The following SPTSSB variants were observed in gnomAD, a reference collection of about 807,000 sequenced individuals.
SPTSSB encodes the protein androgen down regulated in mouse prostate.
A neutral mutation model predicts 7.7 loss-of-function variants in SPTSSB; 6 were observed. The observed-to-expected ratio is 0.78, with a 90% CI of 0.43 to 1.54. SPTSSB has a LOEUF of 1.54. Ranked by LOEUF, SPTSSB falls within the 40% of genes most tolerant of loss-of-function variation. The probability of loss-of-function intolerance (pLI) is 0.01; values close to 1 mark genes in which losing one functional copy is unlikely to be tolerated. For missense variants in SPTSSB, 91 were observed against 93.0 expected, an observed-to-expected ratio of 0.98 and a Z score of 0.09; for synonymous variants, 28 against 29.7, an observed-to-expected ratio of 0.94 and a Z score of 0.19.
At position 161,346,247 on chromosome 3, in the gene SPTSSB, A is replaced by G; in HGVS notation, c.77T>C (p.Leu26Ser). The stretch of plus-strand genomic sequence containing the variant: ...AAACATAGATCGCTCCCAGGGCTCT[A>G]AAACAGCACAGCAGCTAATGATTTG... ...QYQIISCCAV[L>S]EPWERSMFNT... The change falls in exon 3 of 3, where the codon TTA becomes TCA. Residue 26 changes from leucine (L) to serine (S), a missense_variant. Leu to Ser is a moderately radical substitution (Grantham distance 145). Transcript: ENST00000620149. 6.2e-7 allele frequency: 1 copy of G among 1,614,034 alleles called. No homozygotes were observed. The highest frequency in any genetic ancestry group is 8.5e-7 in the Non-Finnish European group (1 of 1,179,884).
In SPTSSB at chr3:161,371,334, G is replaced by A. The variant is rs1273620283; in HGVS notation, c.-126+101C>T. The A allele has an allele frequency of 6.7e-6, 5 of 749,894 alleles. No homozygotes were observed. The East Asian group carries it at 6.4e-4, about 97-fold the overall frequency. The allele number at this position is 749,894 out of a possible 1,614,324, so 46.5% of individuals were successfully genotyped here. On this transcript the variant is annotated intron_variant, in intron 1 of 2. Transcript: ENST00000620149. Reference sequence around the variant, plus strand: ...CAGTTAAATAATAAACTGATAAATTGCATTAAAGCTCAGTATTAATTTTTT... The same window carrying A: ...CAGTTAAATAATAAACTGATAAATTACATTAAAGCTCAGTATTAATTTTTT...
chr3:161,353,829 T>G (rs888119462), intron 2 of SPTSSB, among the ~76,000 whole-genome samples: 1 of 152,176 alleles, frequency 6.6e-6, no homozygotes, highest in Admixed American at 6.5e-5. Context: ...ATGTTTTCTG[T>G]GCCCTACAGA....
chr3:161,348,844 G>A (rs1353655968), intron 2 of SPTSSB, among the ~76,000 whole-genome samples: 2 of 152,086 alleles, frequency 1.3e-5, no homozygotes, highest in African/African-American at 4.8e-5. Flanking sequence ...AAGACAGTTT[G>A]TGTGTCATTT....
chr3:161,353,704 C>T (rs1714644964), intron 2 of SPTSSB, among the ~76,000 whole-genome samples: 1 of 152,078 alleles, frequency 6.6e-6, no homozygotes, highest in Non-Finnish European at 1.5e-5. Flanking sequence ...TTAAGTTTAT[C>T]TGATTAATGG....
At chr3:161,359,777 C>T (rs1714932041) in intron 2 of SPTSSB, 25 bp downstream of exon 2, 19 of 985,310 alleles carry the variant, frequency 1.9e-5, no homozygotes, top group South Asian at 4.7e-5. Context: ...AGCAAGTCTC[C>T]GTGATATAAT....
At chr3:161,368,008 G>C (rs1238013656) in intron 1 of SPTSSB, among the ~76,000 whole-genome samples, 1 of 152,156 alleles carries the variant, frequency 6.6e-6, no homozygotes, top group East Asian at 1.9e-4. Flanking sequence ...ATTCTTTGTA[G>C]GACTATACTA....
At chr3:161,347,408 C>T (rs1033142994) in intron 2 of SPTSSB, among the ~76,000 whole-genome samples, 37 of 152,030 alleles carry the variant, frequency 2.4e-4, no homozygotes, top group African/African-American at 8.2e-4. Flanking sequence ...CAGGCATGCA[C>T]CACCATGCCC....
At chr3:161,367,843 T>G (rs1715284105) in intron 1 of SPTSSB, among the ~76,000 whole-genome samples, 1 of 152,156 alleles carries the variant, frequency 6.6e-6, no homozygotes, top group Non-Finnish European at 1.5e-5. Context: ...TACCTTCCTC[T>G]CTCACCCAAT....
chr3:161,359,647 T>C lies in SPTSSB; in HGVS notation c.-33+155A>G, dbSNP rs1033128633. 44 of 830,488 alleles carry C rather than the reference T, an allele frequency of 5.3e-5. No individual in the cohort carries two copies. In the Admixed American group the frequency reaches 1.0e-3, roughly 19 times the overall value. The allele number at this position is 830,488 out of a possible 1,614,324, so 51.4% of individuals were successfully genotyped here. A position where few individuals can be genotyped will look rare whatever the true frequency, so the allele number is the denominator to read the frequency against. On this transcript the variant is annotated intron_variant, in intron 2 of 2. Coordinates refer to ENST00000620149, the MANE Select transcript of SPTSSB (RefSeq NM_001040100.2). ...GAGCTAATTGCCCCATTTTATTCCT[T>C]TGTATCATCTCAAATGCCAATATAA...
intron 1 of SPTSSB, among the ~76,000 whole-genome samples, chr3:161,361,150 G>T (rs550735121): frequency 1.3e-5 from 2 of 152,240 alleles, no homozygotes; most frequent in East Asian, 3.9e-4. Context: ...AGTCTTAAAA[G>T]ATCTAAAAGG....
intron 2 of SPTSSB, among the ~76,000 whole-genome samples, chr3:161,358,480 A>T (rs796723605): frequency 8.1e-4 from 123 of 152,264 alleles, no homozygotes; most frequent in African/African-American, 2.8e-3. Flanking sequence ...CTTCATTCAC[A>T]CAGATGCTGG....
intron 1 of SPTSSB, among the ~76,000 whole-genome samples, chr3:161,369,314 C>CTTTCTTTCTTTCTTTCTTTCTCTTTCTT (rs1278233391): frequency 1.5e-5 from 1 of 65,718 alleles, no homozygotes; most frequent in African/African-American, 7.7e-5. Flanking sequence ...TTCTTTCTTT[C>CTTTCTTTCTTTCTTTCTTTCTCTTTCTT]TCTTTCTTTC....
chr3:161,352,805 A>C (rs187824426), intron 2 of SPTSSB, among the ~76,000 whole-genome samples: 3 of 152,170 alleles, frequency 2.0e-5, no homozygotes, highest in Non-Finnish European at 4.4e-5. Flanking sequence ...GCTGGTGCTA[A>C]ATTTTTAAAA....
At chr3:161,361,052 TA>T (rs1714992835) in intron 1 of SPTSSB, among the ~76,000 whole-genome samples, 1 of 152,196 alleles carries the variant, frequency 6.6e-6, no homozygotes, top group Non-Finnish European at 1.5e-5. Flanking sequence ...AAGCTAAGCA[TA>T]TCCATAGAAA....
intron 2 of SPTSSB, among the ~76,000 whole-genome samples, chr3:161,346,982 A>T (rs73017390): frequency 0.03 from 4,490 of 152,146 alleles, 224 homozygotes; most frequent in African/African-American, 0.1. Context: ...TTTATCTTCA[A>T]CCTCTGAGTT....
At chr3:161,370,814 C>T (rs966139074) in intron 1 of SPTSSB, among the ~76,000 whole-genome samples, 1 of 152,168 alleles carries the variant, frequency 6.6e-6, no homozygotes, top group South Asian at 2.1e-4. Flanking sequence ...AAACATTTCC[C>T]CACCTTCTTC....
chr3:161,360,818 A>C (rs1291969839), intron 1 of SPTSSB, among the ~76,000 whole-genome samples: 1 of 152,192 alleles, frequency 6.6e-6, no homozygotes, highest in Admixed American at 6.5e-5. Flanking sequence ...AGATTGGAGA[A>C]AATTAGCTTA....
intron 2 of SPTSSB, among the ~76,000 whole-genome samples, chr3:161,356,991 A>AAAAAAT (rs1295476163): frequency 3.9e-5 from 6 of 152,178 alleles, no homozygotes; most frequent in African/African-American, 1.4e-4. Flanking sequence ...CAAAAAGAAA[A>AAAAAAT]AAAAATAAAA....
chr3:161,354,478 A>T (rs1202377968), intron 2 of SPTSSB, among the ~76,000 whole-genome samples: 1 of 152,196 alleles, frequency 6.6e-6, no homozygotes, highest in Non-Finnish European at 1.5e-5. Context: ...AGTAGCTGGG[A>T]CTATTGGCAC....
Sources: allele counts gnomAD v4.1 joint callset (sites outside exome capture counted in the v4.1 genomes callset), GRCh38; gene constraint gnomAD v4.1.1; transcripts MANE v1.5; gene names NCBI Gene and HGNC (gene_info 2026-07-23, HGNC 2026-07-21).